GABRB1: variants seen among roughly 807,000 people sequenced by gnomAD.
GABRB1 encodes gamma-aminobutyric acid receptor subunit beta-1.
Under a neutral mutation model 51.6 loss-of-function variants are expected in GABRB1, and 17 were observed. The ratio of observed to expected loss-of-function variants is 0.33; its 90% CI spans 0.23 to 0.49. The LOEUF is 0.49. Ranked by LOEUF, GABRB1 falls within the 20% of genes least tolerant of loss-of-function variation. The pLI is 0.99. For synonymous variants in GABRB1, 247 were observed against 218.9 expected (o/e 1.13, Z -1.14); for missense variants, 410 against 600.6 (o/e 0.68, Z 3.32).
At chr4:47,330,990 A>G (rs1248495646) in intron 5 of GABRB1, among the ~76,000 whole-genome samples, 4 of 152,152 alleles carry the variant, frequency 2.6e-5, no homozygotes, top group Non-Finnish European at 2.9e-5. Flanking sequence ...CACACTTTCT[A>G]TTCATGGATG....
intron 3 of GABRB1, among the ~76,000 whole-genome samples, chr4:47,040,691 C>A (rs544246350): frequency 1.1e-4 from 16 of 152,276 alleles, no homozygotes; most frequent in African/African-American, 3.8e-4. Flanking sequence ...TGAACTATTT[C>A]TTCCAAGTCT....
At chr4:47,420,046 A>T (rs1470348996) in intron 8 of GABRB1, among the ~76,000 whole-genome samples, 1 of 152,222 alleles carries the variant, frequency 6.6e-6, no homozygotes, top group Non-Finnish European at 1.5e-5. Context: ...TGTTGGTTTG[A>T]GGAATATATG....
intron 4 of GABRB1, among the ~76,000 whole-genome samples, chr4:47,172,631 C>CTTTTT (rs71195611): frequency 1.5e-5 from 1 of 65,800 alleles, no homozygotes; most frequent in African/African-American, 6.5e-5. Context: ...TTAGATTTAA[C>CTTTTT]TTTTTTTTTT....
chr4:47,264,601 A>G (rs1722575745), intron 4 of GABRB1, among the ~76,000 whole-genome samples: 1 of 152,248 alleles, frequency 6.6e-6, no homozygotes, highest in Admixed American at 6.5e-5. Flanking sequence ...AAACCATGAG[A>G]TGAAAACCTC....
chr4:47,045,780 G>A (rs933368803), intron 3 of GABRB1, among the ~76,000 whole-genome samples: 8 of 151,892 alleles, frequency 5.3e-5, no homozygotes, highest in African/African-American at 9.7e-5. Flanking sequence ...TTGTTATATC[G>A]GAGCTCAAGT....
At chr4:47,255,463 G>A (rs138630025) in intron 4 of GABRB1, among the ~76,000 whole-genome samples, 1 of 152,312 alleles carries the variant, frequency 6.6e-6, no homozygotes. Flanking sequence ...ATGAGATTCA[G>A]GGAAACTAAA....
intron 4 of GABRB1, among the ~76,000 whole-genome samples, chr4:47,210,483 C>A (rs1578003835): frequency 6.6e-6 from 1 of 152,016 alleles, no homozygotes; most frequent in Admixed American, 6.6e-5. Flanking sequence ...TCTGGCTGTT[C>A]CATTTAAGGT....
At chr4:47,105,939 G>A (rs1714949509) in intron 3 of GABRB1, among the ~76,000 whole-genome samples, 1 of 151,994 alleles carries the variant, frequency 6.6e-6, no homozygotes, top group Non-Finnish European at 1.5e-5. Flanking sequence ...AATTTTAACT[G>A]GCTTGTATAA....
rs79807712 is a variant in GABRB1 at position 47,021,303 on chromosome 4, G to C, written c.-19-10611G>C. 2.7e-3 allele frequency among the ~76,000 whole-genome samples: 416 copies of C among 152,220 alleles called. 2 individuals carry two copies. The highest frequency in any genetic ancestry group is 9.6e-3 in the African/African-American group (397 of 41,540). ...CTGTTTTGTGCCAGACAGAATTCCA[G>C]ATAAGTAAGAGACATTAGTAAGTTT... On this transcript the variant is annotated intron_variant, in intron 1 of 3. Coordinates refer to the GABRB1 transcript ENST00000513567.
At chr4:47,257,513 CA>C (rs1722260008) in intron 4 of GABRB1, among the ~76,000 whole-genome samples, 1 of 151,406 alleles carries the variant, frequency 6.6e-6, no homozygotes, top group Admixed American at 6.6e-5. Context: ...CAGTTTGACA[CA>C]AGGCACAAGC....
intron 1 of GABRB1, among the ~76,000 whole-genome samples, chr4:47,010,223 TTTAAAAAAA>T: frequency 6.6e-6 from 1 of 152,340 alleles, no homozygotes; most frequent in Admixed American, 6.5e-5. Flanking sequence ...AGTATTTCTT[TTTAAAAAAA>T]TGTTTAAGAT....
At chr4:47,419,164 A>G (rs992776133) in intron 8 of GABRB1, among the ~76,000 whole-genome samples, 2 of 152,204 alleles carry the variant, frequency 1.3e-5, no homozygotes, top group African/African-American at 4.8e-5. Context: ...GCTCACCACC[A>G]TCTTCCCAGG....
intron 4 of GABRB1, among the ~76,000 whole-genome samples, chr4:47,202,215 A>G (rs760225505): frequency 2.0e-5 from 3 of 152,132 alleles, no homozygotes; most frequent in Non-Finnish European, 4.4e-5. Context: ...ATCTGATGGT[A>G]TTATAAGGAG....
chr4:47,283,995 G>C (rs1348303759), intron 4 of GABRB1, among the ~76,000 whole-genome samples: 1 of 151,690 alleles, frequency 6.6e-6, no homozygotes, highest in Non-Finnish European at 1.5e-5. Context: ...CTACTCTGGA[G>C]GCTGAGGCAG....
At chr4:47,176,631 C>T (rs1024726287) in intron 4 of GABRB1, among the ~76,000 whole-genome samples, 56 of 151,998 alleles carry the variant, frequency 3.7e-4, no homozygotes, top group Admixed American at 3.7e-3. Context: ...ATATAATGGC[C>T]TTGGTGACTG....
chr4:47,298,771 G>C (rs1027552513), intron 4 of GABRB1, among the ~76,000 whole-genome samples: 6 of 152,118 alleles, frequency 3.9e-5, no homozygotes, highest in Non-Finnish European at 7.4e-5. Context: ...AAAAGAACCT[G>C]CATTGCCAAG....
In GABRB1 at chr4:47,145,049, T is replaced by G. The variant is rs537942922; in HGVS notation, c.241-16200T>G. 6.6e-5 allele frequency among the ~76,000 whole-genome samples: 10 copies of G among 151,982 alleles called. No individual in the cohort carries two copies. The East Asian group carries it at 1.9e-3, about 30-fold the overall frequency. On this transcript the variant is annotated intron_variant, in intron 3 of 8. Transcript: ENST00000295454. Reference sequence around the variant, plus strand: ...CCTTGGGACTTGTAGATAAGTAGAATTTTGACCTTCAAGAACAGAAAAAAA... The same window carrying G: ...CCTTGGGACTTGTAGATAAGTAGAAGTTTGACCTTCAAGAACAGAAAAAAA...
At chr4:47,110,235 C>G (rs1233689583) in intron 3 of GABRB1, among the ~76,000 whole-genome samples, 1 of 151,984 alleles carries the variant, frequency 6.6e-6, no homozygotes, top group Admixed American at 6.6e-5. Context: ...ATCCCATCTT[C>G]CATCTTCACT....
At chr4:47,303,597 A>G (rs1241732634) in intron 4 of GABRB1, among the ~76,000 whole-genome samples, 2 of 151,900 alleles carry the variant, frequency 1.3e-5, no homozygotes, top group Non-Finnish European at 2.9e-5. Flanking sequence ...GATCAGATTT[A>G]TTTAAAGTTA....
Sources: gnomAD v4.1 joint callset for allele counts (sites outside exome capture counted in the v4.1 genomes callset) on GRCh38, gnomAD v4.1.1 for gene constraint, MANE v1.5 for transcripts, NCBI Gene and HGNC (gene_info 2026-07-23, HGNC 2026-07-21) for gene names.